PTK2: variants seen among roughly 807,000 people sequenced by gnomAD.
The protein encoded by PTK2 is protein tyrosine kinase 2, also known as focal adhesion kinase 1.
In PTK2, 45 loss-of-function variants were observed where a neutral mutation model predicts 150.1. The ratio of observed to expected loss-of-function variants is 0.30; its 90% confidence interval spans 0.24 to 0.38. The LOEUF is 0.38. Among genes scored for constraint, PTK2 ranks in the 10% least tolerant of loss-of-function variants. The pLI, the probability that PTK2 is intolerant of heterozygous loss-of-function variation, is 1.00. For synonymous variants in PTK2, 432 were observed against 449.2 expected, an observed-to-expected ratio of 0.96 and a Z score of 0.48; for missense variants, 919 against 1,307.3, an observed-to-expected ratio of 0.70 and a Z score of 4.58.
At chr8:140,993,266 G>A (rs990007124) in intron 1 of PTK2, among the ~76,000 whole-genome samples, 2 of 152,164 alleles carry the variant, frequency 1.3e-5, no homozygotes, top group African/African-American at 4.8e-5. Context: ...GCTGGCCTCT[G>A]CCTCCCAAAG....
chr8:140,980,234 T>C (rs2100190903), intron 1 of PTK2, among the ~76,000 whole-genome samples: 1 of 152,158 alleles, frequency 6.6e-6, no homozygotes, highest in South Asian at 2.1e-4. Flanking sequence ...ATGAAAACTA[T>C]CATACAGCAC....
intron 20 of PTK2, among the ~76,000 whole-genome samples, chr8:140,739,427 A>G (rs2100054421): frequency 6.6e-6 from 1 of 152,142 alleles, no homozygotes; most frequent in Non-Finnish European, 1.5e-5. Context: ...ATAAGATTTC[A>G]CAATTTACAG....
chr8:140,835,449 C>T (rs2100118166), intron 7 of PTK2, among the ~76,000 whole-genome samples: 1 of 152,152 alleles, frequency 6.6e-6, no homozygotes, highest in South Asian at 2.1e-4. Flanking sequence ...TACTCTTTCT[C>T]CAAAACTGTC....
At chr8:140,759,847 C>CA (rs2100068338) in intron 16 of PTK2, among the ~76,000 whole-genome samples, 4 of 144,676 alleles carry the variant, frequency 2.8e-5, no homozygotes, top group African/African-American at 1.0e-4. Flanking sequence ...TCTCTCTCAC[C>CA]CACACACACA....
intron 23 of PTK2, among the ~76,000 whole-genome samples, chr8:140,709,933 A>G (rs2154183060): frequency 6.6e-6 from 1 of 152,330 alleles, no homozygotes; most frequent in East Asian, 1.9e-4. Flanking sequence ...CCCAGCATCC[A>G]TAGATTCAAC....
intron 6 of PTK2, 100 bp downstream of exon 6, chr8:140,846,499 A>G: frequency 8.6e-7 from 1 of 1,168,386 alleles, no homozygotes; most frequent in Non-Finnish European, 1.3e-6. Context: ...TCAGTATTTC[A>G]CTGATAATCC....
chr8:140,935,752 C>T (rs2100173410), intron 1 of PTK2, among the ~76,000 whole-genome samples: 1 of 139,548 alleles, frequency 7.2e-6, no homozygotes, highest in East Asian at 2.2e-4. Flanking sequence ...CGGCTCACTG[C>T]AAGCTCCTCC....
At chr8:140,990,346 C>A (rs925626175) in intron 1 of PTK2, among the ~76,000 whole-genome samples, 16 of 152,066 alleles carry the variant, frequency 1.1e-4, no homozygotes, top group African/African-American at 2.9e-4. Context: ...GCAGTCCTCC[C>A]ACCTCATCCT....
chr8:140,992,267 G>A (rs1333227992), intron 1 of PTK2, among the ~76,000 whole-genome samples: 1 of 150,330 alleles, frequency 6.7e-6, no homozygotes, highest in East Asian at 1.9e-4. Flanking sequence ...CCTCCAGCCT[G>A]GGCAACAGAG....
At chr8:140,973,034 T>C (rs578237566) in intron 1 of PTK2, among the ~76,000 whole-genome samples, 6 of 152,376 alleles carry the variant, frequency 3.9e-5, no homozygotes, top group Admixed American at 2.0e-4. Flanking sequence ...CACCTGTGTG[T>C]AGAAATTCTA....
At chr8:140,972,279 T>C (rs1227752195) in intron 1 of PTK2, among the ~76,000 whole-genome samples, 2 of 152,226 alleles carry the variant, frequency 1.3e-5, no homozygotes, top group African/African-American at 4.8e-5. Context: ...TTGTTAATTT[T>C]TTTTAGATGG....
intron 22 of PTK2, chr8:140,735,031 C>T (rs1240208840): frequency 3.5e-6 from 2 of 572,674 alleles, no homozygotes; most frequent in African/African-American, 3.8e-5. Flanking sequence ...GAGATTTGAC[C>T]ATAATTGGAG....
chr8:140,772,024 G>C (rs58686666), intron 14 of PTK2, among the ~76,000 whole-genome samples: 1 of 151,934 alleles, frequency 6.6e-6, no homozygotes, highest in Non-Finnish European at 1.5e-5. Flanking sequence ...CCTGACCTCA[G>C]GTGATCTGCG....
At chr8:140,818,482 C>T (rs1381234521) in intron 9 of PTK2, 128 bp from the exon 10 acceptor site, 3 of 754,086 alleles carry the variant, frequency 4.0e-6, no homozygotes, top group Non-Finnish European at 6.7e-6. Context: ...ATCTATCTAA[C>T]CAAATAAGAT....
rs114127819 is a variant in PTK2, at chr8:140,805,626, C to T, written c.868-1976G>A. 4.5e-3 allele frequency among the ~76,000 whole-genome samples: 676 copies of T among 151,776 alleles called. 4 individuals carry two copies. The highest frequency in any genetic ancestry group is 0.015 in the African/African-American group (636 of 41,330). On this transcript the variant is annotated intron_variant, in intron 10 of 31. Transcript: ENST00000522684. The stretch of plus-strand genomic sequence containing the variant: ...GAGCCAAAAAAAAAAGGCATTCTCA[C>T]TGATTCTTCTCCCTTTCCCCATTAT...
chr8:140,991,938 G>A (rs993637056), intron 1 of PTK2, among the ~76,000 whole-genome samples: 15 of 151,954 alleles, frequency 9.9e-5, no homozygotes, highest in Non-Finnish European at 1.5e-4. Flanking sequence ...CGAAGCCGCA[G>A]TGAGCTGTGA....
rs2100137117 is a variant in PTK2 at position 140,862,983 on chromosome 8, A to T, written c.450+1329T>A. Among the ~76,000 whole-genome samples, 7 of 152,106 alleles carry T rather than the reference A, an allele frequency of 4.6e-5. No homozygotes were observed. In the South Asian group the frequency reaches 1.5e-3, roughly 32 times the overall value. On this transcript the variant is annotated intron_variant, in intron 5 of 31. Transcript: ENST00000522684. ...TTCTTCACAGACAAGATGAAAACAG[A>T]CACACCCCCGCCAACAGCTGGAAAC...
intron 27 of PTK2, among the ~76,000 whole-genome samples, chr8:140,678,185 T>G (rs1053150348): frequency 6.6e-5 from 10 of 151,614 alleles, no homozygotes; most frequent in African/African-American, 2.4e-4. Context: ...TAGCTGGGAT[T>G]ACAAACGCCC....
At chr8:140,667,352 CTG>C (rs1471050206) in intron 30 of PTK2, among the ~76,000 whole-genome samples, 1 of 152,220 alleles carries the variant, frequency 6.6e-6, no homozygotes, top group Non-Finnish European at 1.5e-5. Flanking sequence ...CGACCACACT[CTG>C]TGAACTGGAG....
Sources: gnomAD v4.1 joint callset for allele counts (sites outside exome capture counted in the v4.1 genomes callset) on GRCh38, gnomAD v4.1.1 for gene constraint, MANE v1.5 for transcripts, NCBI Gene and HGNC (gene_info 2026-07-23, HGNC 2026-07-21) for gene names.